The following FAM168A variants were observed in gnomAD, a reference collection of about 807,000 sequenced individuals.
The protein encoded by FAM168A is family with sequence similarity 168 member A, also known as protein FAM168A.
Under a neutral mutation model 28.5 loss-of-function variants are expected in FAM168A, and 3 were observed. The observed-to-expected ratio is 0.11, with a 90% CI of 0.05 to 0.27. FAM168A has a LOEUF of 0.27. FAM168A is among the 10% of genes least tolerant of loss of function. FAM168A has a pLI of 1.00. For missense variants in FAM168A, 222 were observed against 311.5 expected, an observed-to-expected ratio of 0.71 and a Z score of 2.16; for synonymous variants, 122 against 124.2, an observed-to-expected ratio of 0.98 and a Z score of 0.12.
chr11:73,462,004 T>C (rs1013702147), intron 2 of FAM168A, among the ~76,000 whole-genome samples: 5 of 152,162 alleles, frequency 3.3e-5, no homozygotes, highest in Admixed American at 1.3e-4. Flanking sequence ...GAAACTTTTA[T>C]AAACCACAAG....
chr11:73,529,338 A>G (rs1010814489), intron 1 of FAM168A, among the ~76,000 whole-genome samples: 2 of 152,234 alleles, frequency 1.3e-5, no homozygotes, highest in African/African-American at 4.8e-5. Context: ...ATAACTTTGC[A>G]TAAGTCTCTC....
At chr11:73,583,418 T>C (rs1032533107) in intron 1 of FAM168A, among the ~76,000 whole-genome samples, 2 of 152,206 alleles carry the variant, frequency 1.3e-5, no homozygotes, top group Admixed American at 1.3e-4. Flanking sequence ...TCACCTGACA[T>C]GTCTTTACTG....
intron 3 of FAM168A, chr11:73,420,762 G>A (rs1444135268): frequency 6.6e-6 from 1 of 152,330 alleles, no homozygotes; most frequent in African/African-American, 2.4e-5. Flanking sequence ...GGGGTAGGTA[G>A]GAAATATAGA....
At chr11:73,424,641 A>C (rs1866852046) in intron 3 of FAM168A, among the ~76,000 whole-genome samples, 1 of 152,190 alleles carries the variant, frequency 6.6e-6, no homozygotes, top group Non-Finnish European at 1.5e-5. Context: ...GGGGCAGACT[A>C]GTTTTTTGGG....
chr11:73,556,665 A>G (rs1233929458), intron 1 of FAM168A, among the ~76,000 whole-genome samples: 1 of 151,954 alleles, frequency 6.6e-6, no homozygotes, highest in Non-Finnish European at 1.5e-5. Flanking sequence ...AATACGCTAA[A>G]CTATACACTT....
At chr11:73,558,427 C>T (rs1590853873) in intron 1 of FAM168A, among the ~76,000 whole-genome samples, 2 of 146,714 alleles carry the variant, frequency 1.4e-5, no homozygotes, top group Admixed American at 6.9e-5. Context: ...TATGATCATG[C>T]CACTGTACTC....
chr11:73,549,494 T>C (rs1304513210), intron 1 of FAM168A, among the ~76,000 whole-genome samples: 2 of 152,220 alleles, frequency 1.3e-5, no homozygotes, highest in African/African-American at 4.8e-5. Flanking sequence ...ACAGCATGGA[T>C]ATAGAACATT....
chr11:73,548,667 G>C (rs936559508), intron 1 of FAM168A, among the ~76,000 whole-genome samples: 1 of 152,082 alleles, frequency 6.6e-6, no homozygotes, highest in Admixed American at 6.6e-5. Context: ...GTGTGAAAGC[G>C]TCTTGCTCTG....
chr11:73,422,198 A>T (rs536772948), intron 3 of FAM168A, among the ~76,000 whole-genome samples: 1 of 152,284 alleles, frequency 6.6e-6, no homozygotes, highest in Admixed American at 6.5e-5. Context: ...ATACATAGTA[A>T]AATAATGTTC....
At chr11:73,419,045 C>T (rs1161783477) in intron 4 of FAM168A, among the ~76,000 whole-genome samples, 2 of 152,048 alleles carry the variant, frequency 1.3e-5, no homozygotes, top group Non-Finnish European at 2.9e-5. Context: ...CTCCTGACCT[C>T]GTGATCCGCC....
chr11:73,573,126 T>C (rs1470186036), intron 1 of FAM168A, among the ~76,000 whole-genome samples: 5 of 152,180 alleles, frequency 3.3e-5, no homozygotes, highest in Non-Finnish European at 7.3e-5. Flanking sequence ...CACCACTGGA[T>C]TCATGCACAA....
At chr11:73,453,117 G>C (rs556738458) in intron 2 of FAM168A, among the ~76,000 whole-genome samples, 3 of 152,342 alleles carry the variant, frequency 2.0e-5, no homozygotes, top group South Asian at 4.1e-4. Context: ...CATCAATCCA[G>C]AGATGAATTC....
intron 1 of FAM168A, among the ~76,000 whole-genome samples, chr11:73,553,498 G>A (rs1385067123): frequency 6.6e-6 from 1 of 152,194 alleles, no homozygotes; most frequent in East Asian, 1.9e-4. Flanking sequence ...GTAAACAAAT[G>A]AGGATGGAGG....
intron 2 of FAM168A, among the ~76,000 whole-genome samples, chr11:73,448,276 G>C (rs1867360302): frequency 6.6e-6 from 1 of 152,042 alleles, no homozygotes; most frequent in Admixed American, 6.5e-5. Flanking sequence ...TTGATTTCTT[G>C]ACCTTGTGAT....
intron 3 of FAM168A, among the ~76,000 whole-genome samples, chr11:73,426,980 G>C (rs1170294061): frequency 6.7e-6 from 1 of 149,062 alleles, no homozygotes; most frequent in Non-Finnish European, 1.5e-5. Flanking sequence ...TTTTTGTTTG[G>C]AAATATGTTT....
chr11:73,524,833 A>G (rs1429142199), intron 1 of FAM168A, among the ~76,000 whole-genome samples: 1 of 152,152 alleles, frequency 6.6e-6, no homozygotes, highest in Non-Finnish European at 1.5e-5. Flanking sequence ...TCCTGGCCTC[A>G]AGATGATCCA....
intron 2 of FAM168A, among the ~76,000 whole-genome samples, chr11:73,453,457 C>G (rs1867469292): frequency 1.3e-5 from 2 of 152,132 alleles, no homozygotes; most frequent in South Asian, 4.1e-4. Flanking sequence ...AGTTACTAAT[C>G]TCAACAGCCT....
intron 1 of FAM168A, among the ~76,000 whole-genome samples, chr11:73,595,718 C>G (rs913975189): frequency 7.9e-5 from 12 of 152,174 alleles, no homozygotes; most frequent in African/African-American, 2.4e-4. Context: ...GATGCTGTTT[C>G]TGTAGTTAAT....
chr11:73,575,410 T>C (rs1230906915), intron 1 of FAM168A, among the ~76,000 whole-genome samples: 1 of 152,262 alleles, frequency 6.6e-6, no homozygotes, highest in Non-Finnish European at 1.5e-5. Context: ...AACTTGAATG[T>C]ATCTTCAGAA....
Sources: allele counts gnomAD v4.1 joint callset (sites outside exome capture counted in the v4.1 genomes callset), GRCh38; gene constraint gnomAD v4.1.1; transcripts MANE v1.5; gene names NCBI Gene and HGNC (gene_info 2026-07-23, HGNC 2026-07-21).